The following MDGA2 variants were observed in gnomAD, a reference collection of about 807,000 sequenced individuals.
MDGA2 encodes the protein MAM domain-containing glycosylphosphatidylinositol anchor protein 2.
A neutral mutation model predicts 117.8 loss-of-function variants in MDGA2; 40 were observed. The observed-to-expected ratio is 0.34, with a 90% CI of 0.26 to 0.44. The LOEUF (loss-of-function observed/expected upper bound fraction) is 0.44. Ranked by LOEUF, MDGA2 falls within the 20% of genes least tolerant of loss-of-function variation. The pLI is 1.00. For synonymous variants in MDGA2, 452 were observed against 439.0 expected (o/e 1.03, Z -0.37); for missense variants, 1,123 against 1,250.6 (o/e 0.90, Z 1.54).
At chr14:46,865,445 G>A (rs1416370228) in intron 14 of MDGA2, among the ~76,000 whole-genome samples, 1 of 151,968 alleles carries the variant, frequency 6.6e-6, no homozygotes, top group Admixed American at 6.6e-5. Context: ...TACTGAATGG[G>A]CAAAAACTGG....
At chr14:46,896,572 T>C (rs1052550221) in intron 10 of MDGA2, among the ~76,000 whole-genome samples, 2 of 152,024 alleles carry the variant, frequency 1.3e-5, no homozygotes, top group Non-Finnish European at 2.9e-5. Context: ...CCAATTTTAA[T>C]ATGAGCATTA....
chr14:46,994,936 C>T (rs547028831), intron 8 of MDGA2, among the ~76,000 whole-genome samples: 2 of 152,176 alleles, frequency 1.3e-5, no homozygotes, highest in Non-Finnish European at 2.9e-5. Context: ...AGACCTTGCT[C>T]ATTACTTTAT....
At chr14:47,575,806 T>G (rs1190195376) in intron 1 of MDGA2, among the ~76,000 whole-genome samples, 1 of 152,210 alleles carries the variant, frequency 6.6e-6, no homozygotes, top group Non-Finnish European at 1.5e-5. Flanking sequence ...CAATTTAATA[T>G]TGTGCTTCTA....
chr14:47,222,955 G>T (rs1886354392), intron 2 of MDGA2, among the ~76,000 whole-genome samples: 1 of 152,188 alleles, frequency 6.6e-6, no homozygotes, highest in Admixed American at 6.5e-5. Flanking sequence ...ACATACCTGA[G>T]ACTGGGAAGA....
rs139401647 is a variant in MDGA2, at chr14:47,474,811, T to C, written c.281-173261A>G. On this transcript the variant is annotated intron_variant, in intron 1 of 16. Transcript: ENST00000399232. ...GAAAATTGAAACTGGACCCCTTCCT[T>C]ATACCTTATACAAAAATTAACTCAA... Among the ~76,000 whole-genome samples, 175 of 152,276 alleles carry C rather than the reference T, an allele frequency of 1.1e-3. 1 individual carries two copies. The highest frequency in any genetic ancestry group is 3.7e-3 in the African/African-American group (153 of 41,558).
chr14:47,543,953 A>G (rs1420580620), intron 1 of MDGA2, among the ~76,000 whole-genome samples: 1 of 152,184 alleles, frequency 6.6e-6, no homozygotes, highest in Non-Finnish European at 1.5e-5. Flanking sequence ...AACCTGATTA[A>G]CTTTGTTTAA....
intron 1 of MDGA2, among the ~76,000 whole-genome samples, chr14:47,360,207 C>T (rs553538186): frequency 6.6e-5 from 10 of 151,678 alleles, no homozygotes; most frequent in South Asian, 6.2e-4. Context: ...CAAAATTAGC[C>T]GGATGTGGTG....
intron 3 of MDGA2, among the ~76,000 whole-genome samples, chr14:47,177,685 G>C (rs953042771): frequency 1.3e-5 from 2 of 152,116 alleles, no homozygotes; most frequent in African/African-American, 4.8e-5. Context: ...AGCAGTAGGA[G>C]ATATACCTAA....
At chr14:47,537,574 T>C (rs113680961) in intron 1 of MDGA2, among the ~76,000 whole-genome samples, 1 of 36,610 alleles carries the variant, frequency 2.7e-5, no homozygotes, top group Non-Finnish European at 5.6e-5. Flanking sequence ...TTCTCTCTGT[T>C]AAAAAAAAAA....
rs1164138148 is a variant in MDGA2 at position 47,674,595 on chromosome 14, C to T, written c.202G>A (p.Val68Met). Reference protein sequence around the residue: ...TPWAGYVHVHVKMDLLYGLVW... With the variant: ...TPWAGYVHVHMKMDLLYGLVW... The stretch of plus-strand genomic sequence containing the variant: ...AGACCGTACAGTAAATCCATCTTCA[C>T]GTGAACATGAACATATCCAGCCCAG... Residue 68 changes from valine (V) to methionine (M), a missense_variant, in exon 1 of 17, where the codon GTG becomes ATG. By Grantham distance (21) the Val-to-Met change is conservative (BLOSUM62 1). Around this residue, in one of 2 missense-constraint regions of MDGA2, gnomAD observed 233 missense variants for 200.3 expected, o/e 1.16. Transcript: ENST00000399232. 1 of 1,551,160 alleles carries T rather than the reference C, an allele frequency of 6.4e-7. No homozygotes were observed. The highest frequency in any genetic ancestry group is 8.7e-7 in the Non-Finnish European group (1 of 1,146,680).
intron 2 of MDGA2, among the ~76,000 whole-genome samples, chr14:47,243,396 A>T (rs1345750445): frequency 6.6e-6 from 1 of 151,654 alleles, no homozygotes; most frequent in Admixed American, 6.6e-5. Context: ...AGCATTGGCA[A>T]CCTGCTGGGG....
At chr14:47,321,759 T>A (rs748723323) in intron 1 of MDGA2, among the ~76,000 whole-genome samples, 2 of 152,216 alleles carry the variant, frequency 1.3e-5, no homozygotes, top group African/African-American at 2.4e-5. Context: ...TTAATAAGAA[T>A]GTAGTCACAT....
chr14:47,210,646 C>T (rs1394583293), intron 3 of MDGA2, among the ~76,000 whole-genome samples: 1 of 152,138 alleles, frequency 6.6e-6, no homozygotes, highest in African/African-American at 2.4e-5. Context: ...CAATAAGTGG[C>T]CATTGCTTCT....
At chr14:47,280,416 T>C (rs371048521) in intron 2 of MDGA2, among the ~76,000 whole-genome samples, 50 of 151,578 alleles carry the variant, frequency 3.3e-4, no homozygotes, top group African/African-American at 1.2e-3. Flanking sequence ...GTACAATTCA[T>C]TAAATATTGT....
intron 1 of MDGA2, among the ~76,000 whole-genome samples, chr14:47,637,791 A>G (rs1366226693): frequency 6.6e-6 from 1 of 152,238 alleles, no homozygotes; most frequent in Non-Finnish European, 1.5e-5. Flanking sequence ...ACGTAATACT[A>G]AACTTTAGCT....
At position 47,071,986 on chromosome 14, in the gene MDGA2, C is replaced by G. The variant is rs749103404; in HGVS notation, c.1196-10408G>C. On this transcript the variant is annotated intron_variant, in intron 6 of 16. Coordinates refer to ENST00000399232, the MANE Select transcript of MDGA2 (RefSeq NM_001113498.3). Reference sequence around the variant, plus strand: ...AGTCTGTCACCATCGTATAGTTGTTCAGGCTCAATTTAAGGAAAAATTCAA... The same window carrying G: ...AGTCTGTCACCATCGTATAGTTGTTGAGGCTCAATTTAAGGAAAAATTCAA... 2.7e-5 allele frequency among the ~76,000 whole-genome samples: 4 copies of G among 150,302 alleles called. No homozygotes were observed. The Admixed American group carries it at 2.7e-4, about 10-fold the overall frequency.
chr14:47,341,997 G>T (rs945538315), intron 1 of MDGA2, among the ~76,000 whole-genome samples: 3 of 151,914 alleles, frequency 2.0e-5, no homozygotes, highest in African/African-American at 7.3e-5. Context: ...GCACCACCAG[G>T]CCCGGATAAT....
chr14:47,656,929 T>A (rs1239334539), intron 1 of MDGA2, among the ~76,000 whole-genome samples: 1 of 152,184 alleles, frequency 6.6e-6, no homozygotes, highest in Non-Finnish European at 1.5e-5. Context: ...AATCGATGCA[T>A]GTAACTTCCA....
chr14:47,593,740 G>A (rs1047856750), intron 1 of MDGA2, among the ~76,000 whole-genome samples: 1 of 152,056 alleles, frequency 6.6e-6, no homozygotes, highest in East Asian at 1.9e-4. Flanking sequence ...ATGGGGGAGG[G>A]TGAGCATCAG....
Sources: allele counts gnomAD v4.1 joint callset (sites outside exome capture counted in the v4.1 genomes callset), GRCh38; gene constraint gnomAD v4.1.1; regional missense constraint gnomAD v4.1.1; transcripts MANE v1.5; gene names NCBI Gene and HGNC (gene_info 2026-07-23, HGNC 2026-07-21).